Variants in ARHGAP28 observed in about 807,000 individuals in gnomAD.
The protein encoded by ARHGAP28 is Rho GTPase activating protein 28.
A neutral mutation model predicts 90.7 loss-of-function variants in ARHGAP28; 56 were observed. That is an observed-to-expected ratio of 0.62 (90% CI 0.50 to 0.77). The LOEUF (loss-of-function observed/expected upper bound fraction) is 0.77. Among genes scored for constraint, ARHGAP28 ranks in the 30% least tolerant of loss-of-function variants. ARHGAP28 has a pLI of 0.00. For missense variants in ARHGAP28, 869 were observed against 900.9 expected (o/e 0.96, Z 0.45); for synonymous variants, 308 against 323.3 (o/e 0.95, Z 0.51).
intron 16 of ARHGAP28, chr18:6,898,640 T>G (rs1172998076): frequency 2.6e-6 from 4 of 1,536,216 alleles, no homozygotes; most frequent in African/African-American, 1.4e-5. Flanking sequence ...TTTAGTTACA[T>G]ATACTACAAA....
intron 2 of ARHGAP28, 147 bp downstream of exon 2, chr18:6,825,111 T>G (rs565906230): frequency 2.4e-6 from 2 of 820,348 alleles, no homozygotes; most frequent in African/African-American, 3.5e-5. Context: ...CTCCCACTGA[T>G]TGATTTATAT....
chr18:6,820,902 A>G (rs1399039128), intron 1 of ARHGAP28, among the ~76,000 whole-genome samples: 2 of 152,232 alleles, frequency 1.3e-5, no homozygotes, highest in East Asian at 3.8e-4. Flanking sequence ...AGAAATGCTC[A>G]AGGAAGTTCT....
At chr18:6,799,615 A>C (rs962471092) in intron 1 of ARHGAP28, among the ~76,000 whole-genome samples, 2 of 152,230 alleles carry the variant, frequency 1.3e-5, no homozygotes, top group Non-Finnish European at 2.9e-5. Context: ...AAACCTGACA[A>C]AAACAAGCAA....
chr18:6,911,010 A>G (rs1049388557), intron 17 of ARHGAP28, among the ~76,000 whole-genome samples: 21 of 151,990 alleles, frequency 1.4e-4, no homozygotes, highest in South Asian at 2.1e-4. Context: ...ACGCCCGGCT[A>G]ATTTTGCTAG....
At chr18:6,836,402 C>T (rs2056754001) in intron 2 of ARHGAP28, among the ~76,000 whole-genome samples, 1 of 152,020 alleles carries the variant, frequency 6.6e-6, no homozygotes, top group African/African-American at 2.4e-5. Flanking sequence ...GGTTTCCCAC[C>T]AGGAGTCCTA....
intron 1 of ARHGAP28, among the ~76,000 whole-genome samples, chr18:6,818,101 T>A (rs886275607): frequency 1.3e-5 from 2 of 152,184 alleles, no homozygotes; most frequent in Non-Finnish European, 2.9e-5. Context: ...ATGTATTCAC[T>A]CCTCGTAACA....
At chr18:6,730,953 T>C (rs2055876280) in intron 1 of ARHGAP28, among the ~76,000 whole-genome samples, 1 of 152,246 alleles carries the variant, frequency 6.6e-6, no homozygotes, top group East Asian at 1.9e-4. Flanking sequence ...TTAATTGATT[T>C]CCTAATTAAC....
At chr18:6,896,702 C>G (rs1003063702) in intron 16 of ARHGAP28, 76 bp downstream of exon 16, 6 of 1,542,236 alleles carry the variant, frequency 3.9e-6, no homozygotes, top group Non-Finnish European at 5.3e-6. Flanking sequence ...TAGGCATTTA[C>G]AAATTTGACC....
chr18:6,776,206 G>C (rs1312095445), intron 1 of ARHGAP28, among the ~76,000 whole-genome samples: 1 of 152,082 alleles, frequency 6.6e-6, no homozygotes, highest in Non-Finnish European at 1.5e-5. Flanking sequence ...TCTATGATAA[G>C]TGGAATGACA....
chr18:6,802,244 G>T (rs1302840563), intron 1 of ARHGAP28, among the ~76,000 whole-genome samples: 2 of 150,476 alleles, frequency 1.3e-5, no homozygotes, highest in Non-Finnish European at 3.0e-5. Context: ...ACATGAGAGT[G>T]CAAATATCCC....
chr18:6,906,088 A>G (rs992027572), intron 16 of ARHGAP28, among the ~76,000 whole-genome samples: 2 of 152,122 alleles, frequency 1.3e-5, no homozygotes, highest in African/African-American at 4.8e-5. Context: ...ACTAAAATAT[A>G]TTGAAAAAGA....
chr18:6,802,955 C>A (rs1417845533), intron 1 of ARHGAP28, among the ~76,000 whole-genome samples: 3 of 151,984 alleles, frequency 2.0e-5, no homozygotes, highest in Non-Finnish European at 4.4e-5. Flanking sequence ...CATAACTTTG[C>A]AAAATTCATG....
intron 1 of ARHGAP28, among the ~76,000 whole-genome samples, chr18:6,820,691 C>T (rs768299589): frequency 1.3e-5 from 2 of 152,168 alleles, no homozygotes; most frequent in Non-Finnish European, 2.9e-5. Context: ...GTAACTGACT[C>T]TCATCAGAAT....
At chr18:6,870,562 T>C in intron 6 of ARHGAP28, 28 bp from the exon 7 acceptor site, 1 of 1,571,470 alleles carries the variant, frequency 6.4e-7, no homozygotes, top group Non-Finnish European at 8.7e-7. Context: ...GCATATTAAA[T>C]AGTCTGTATT....
intron 17 of ARHGAP28, 30 bp downstream of exon 17, chr18:6,909,054 A>G (rs775327382): frequency 8.6e-7 from 1 of 1,165,550 alleles, no homozygotes; most frequent in East Asian, 2.4e-5. Flanking sequence ...TTCTACTGCT[A>G]AATTCTCTGA....
rs991477712 is a variant in ARHGAP28 at position 6,870,622 on chromosome 18, G to A, written c.844G>A (p.Glu282Lys). The A allele has an allele frequency of 4.3e-6, 7 of 1,612,762 alleles. No homozygotes were observed. The highest frequency in any genetic ancestry group is 1.3e-5 in the African/African-American group (1 of 74,834). The change falls in exon 7 of 18, where the codon GAG becomes AAG. Residue 282 changes from glutamate (E) to lysine (K), a missense_variant. By Grantham distance (56) the Glu-to-Lys change is moderately conservative. Transcript: ENST00000383472. ...DDFLEKNIPPEAEELSFEVSY... is the reference protein window; with the variant it reads ...DDFLEKNIPPKAEELSFEVSY... ...TTTTCTGGAAAAGAACATTCCACCA[G>A]AGGCTGAAGAGCTGTCATTTGAAGT...
At chr18:6,770,869 C>T (rs1288026216) in intron 1 of ARHGAP28, among the ~76,000 whole-genome samples, 3 of 152,052 alleles carry the variant, frequency 2.0e-5, no homozygotes, top group African/African-American at 7.2e-5. Context: ...TTGTGAAAGT[C>T]AGTCAGTTTT....
chr18:6,745,241 A>T (rs1253588092), intron 1 of ARHGAP28, among the ~76,000 whole-genome samples: 1 of 152,110 alleles, frequency 6.6e-6, no homozygotes, highest in Admixed American at 6.6e-5. Context: ...CTGATATCTG[A>T]TGACATATTG....
intron 1 of ARHGAP28, among the ~76,000 whole-genome samples, chr18:6,767,242 C>T (rs1363976710): frequency 6.6e-6 from 1 of 152,084 alleles, no homozygotes; most frequent in Non-Finnish European, 1.5e-5. Flanking sequence ...TCTTTGCTTT[C>T]ATTTTTTCTT....
Sources: gnomAD v4.1 joint callset for allele counts (sites outside exome capture counted in the v4.1 genomes callset) on GRCh38, gnomAD v4.1.1 for gene constraint, MANE v1.5 for transcripts, NCBI Gene and HGNC (gene_info 2026-07-23, HGNC 2026-07-21) for gene names.